Variants in GPR158 observed in about 807,000 individuals in gnomAD.
GPR158 encodes the protein metabotropic glycine receptor.
Under a neutral mutation model 78.2 loss-of-function variants are expected in GPR158, and 30 were observed. The ratio of observed to expected loss-of-function variants is 0.38; its 90% CI spans 0.29 to 0.52. The LOEUF is 0.52. Ranked by LOEUF, GPR158 falls within the 20% of genes least tolerant of loss-of-function variation. The pLI, the probability that GPR158 is intolerant of heterozygous loss-of-function variation, is 0.83. For missense variants in GPR158, 1,463 were observed against 1,523.5 expected (o/e 0.96, Z 0.66); for synonymous variants, 581 against 591.1 (o/e 0.98, Z 0.25).
At chr10:25,386,464 CA>C (rs1834223405) in intron 2 of GPR158, among the ~76,000 whole-genome samples, 1 of 151,942 alleles carries the variant, frequency 6.6e-6, no homozygotes, top group Non-Finnish European at 1.5e-5. Flanking sequence ...TCGATTTCTG[CA>C]AAAAATGTCA....
At chr10:25,431,376 T>G (rs1834902796) in intron 4 of GPR158, among the ~76,000 whole-genome samples, 1 of 148,204 alleles carries the variant, frequency 6.7e-6, no homozygotes. Context: ...CTGGAGAGGA[T>G]GTGGAGAAAT....
Position 25,175,563 on chromosome 10 carries a change from A to G in GPR158, c.143A>G (p.Gln48Arg), listed in dbSNP as rs1852514296. 6.2e-7 allele frequency: 1 copy of G among 1,610,850 alleles called. No homozygotes were observed. Among genetic ancestry groups the G allele is most frequent in the Non-Finnish European group, 8.5e-7 (1 of 1,179,820 alleles). ...RTPKGKPHAQ[Q>R]PGRASASDSS... Reference sequence around the variant, plus strand: ...CCGAAGGGGAAGCCGCACGCCCAGCAGCCGGGTCGAGCCTCTGCCTCGGAC... The same window carrying G: ...CCGAAGGGGAAGCCGCACGCCCAGCGGCCGGGTCGAGCCTCTGCCTCGGAC... The change falls in exon 1 of 11, where the codon CAG becomes CGG. Residue 48 changes from glutamine to arginine, a missense_variant. Transcript: ENST00000376351. This position sits in a 1 kb window ranked among gnomAD's most constrained non-coding sequence, Gnocchi z 6.4.
At chr10:25,336,696 T>C (rs1291389412) in intron 2 of GPR158, among the ~76,000 whole-genome samples, 1 of 152,062 alleles carries the variant, frequency 6.6e-6, no homozygotes, top group East Asian at 1.9e-4. Context: ...AGGGATGTAA[T>C]GCTGGGAACT....
At chr10:25,356,127 A>G (rs1855546541) in intron 2 of GPR158, among the ~76,000 whole-genome samples, 1 of 152,088 alleles carries the variant, frequency 6.6e-6, no homozygotes, top group African/African-American at 2.4e-5. Flanking sequence ...GAAACTACAA[A>G]TCAGGGGAAA....
chr10:25,355,087 T>C (rs1588819762), intron 2 of GPR158, among the ~76,000 whole-genome samples: 1 of 152,242 alleles, frequency 6.6e-6, no homozygotes, highest in East Asian at 1.9e-4. Flanking sequence ...TACCTGGATA[T>C]TAATCCCTTT....
At chr10:25,545,110 T>A (rs573261860) in intron 5 of GPR158, among the ~76,000 whole-genome samples, 2 of 152,338 alleles carry the variant, frequency 1.3e-5, no homozygotes, top group African/African-American at 4.8e-5. Context: ...CTATCATTGA[T>A]GAGCATTTGG....
intron 2 of GPR158, among the ~76,000 whole-genome samples, chr10:25,291,171 A>G (rs1854431000): frequency 6.6e-6 from 1 of 152,070 alleles, no homozygotes; most frequent in Admixed American, 6.5e-5. Context: ...AATCCACAAT[A>G]AAACAAAGTA....
intron 2 of GPR158, among the ~76,000 whole-genome samples, chr10:25,252,216 TA>T (rs1304221393): frequency 7.3e-5 from 11 of 150,766 alleles, no homozygotes; most frequent in Admixed American, 7.2e-4. Flanking sequence ...TACATTCTTC[TA>T]AATTTTTTTC....
intron 2 of GPR158, among the ~76,000 whole-genome samples, chr10:25,269,410 T>C (rs922899502): frequency 6.6e-6 from 1 of 152,212 alleles, no homozygotes; most frequent in Middle Eastern, 3.2e-3. Flanking sequence ...GAAAAGTGTT[T>C]GTTAATCCTA....
At chr10:25,350,345 AT>A (rs1855441730) in intron 2 of GPR158, among the ~76,000 whole-genome samples, 3 of 152,070 alleles carry the variant, frequency 2.0e-5, no homozygotes, top group African/African-American at 7.2e-5. Flanking sequence ...GAAGAGGACT[AT>A]TGCAGAAATG....
intron 2 of GPR158, among the ~76,000 whole-genome samples, chr10:25,228,521 T>C (rs925926114): frequency 1.3e-5 from 2 of 152,162 alleles, no homozygotes; most frequent in East Asian, 3.8e-4. Flanking sequence ...ATGTTCATTA[T>C]ATATTTTAAA....
At chr10:25,305,308 T>G (rs1405752072) in intron 2 of GPR158, among the ~76,000 whole-genome samples, 1 of 152,204 alleles carries the variant, frequency 6.6e-6, no homozygotes, top group Non-Finnish European at 1.5e-5. Context: ...TATTCAGTAG[T>G]TCATTCATCA....
chr10:25,372,425 A>G (rs1834009552), intron 2 of GPR158, among the ~76,000 whole-genome samples: 1 of 146,226 alleles, frequency 6.8e-6, no homozygotes, highest in Admixed American at 6.8e-5. Context: ...TTATTGCGGC[A>G]TTATTCACAA....
At chr10:25,260,519 T>TA (rs201174265) in intron 2 of GPR158, among the ~76,000 whole-genome samples, 1 of 152,064 alleles carries the variant, frequency 6.6e-6, no homozygotes, top group Non-Finnish European at 1.5e-5. Context: ...TTTTTTTTTT[T>TA]AACTTTTCTT....
At chr10:25,358,467 C>A (rs982707622) in intron 2 of GPR158, among the ~76,000 whole-genome samples, 1 of 152,076 alleles carries the variant, frequency 6.6e-6, no homozygotes, top group African/African-American at 2.4e-5. Context: ...ATGATTGAAT[C>A]ATGGGGGCAG....
chr10:25,295,710 G>A (rs925864275), intron 2 of GPR158, among the ~76,000 whole-genome samples: 1 of 152,122 alleles, frequency 6.6e-6, no homozygotes, highest in Admixed American at 6.5e-5. Flanking sequence ...ACCGCGCCCG[G>A]CCTGACTTCC....
At chr10:25,435,556 A>G (rs1489123084) in intron 4 of GPR158, among the ~76,000 whole-genome samples, 1 of 152,204 alleles carries the variant, frequency 6.6e-6, no homozygotes, top group African/African-American at 2.4e-5. Context: ...GATGGACAAC[A>G]GTGGCAGAGT....
intron 3 of GPR158, among the ~76,000 whole-genome samples, chr10:25,396,606 C>A (rs753403108): frequency 6.6e-6 from 1 of 151,962 alleles, no homozygotes; most frequent in Admixed American, 6.6e-5. Context: ...CAAAACCAGC[C>A]TGGACAACAT....
At chr10:25,421,416 A>G (rs1834749571) in intron 4 of GPR158, among the ~76,000 whole-genome samples, 1 of 152,200 alleles carries the variant, frequency 6.6e-6, no homozygotes, top group Non-Finnish European at 1.5e-5. Flanking sequence ...TAATACATAA[A>G]AGCTGGTCTA....
Sources: allele counts gnomAD v4.1 joint callset (sites outside exome capture counted in the v4.1 genomes callset), GRCh38; gene constraint gnomAD v4.1.1; non-coding constraint Gnocchi (gnomAD v3.1); transcripts MANE v1.5; gene names NCBI Gene and HGNC (gene_info 2026-07-23, HGNC 2026-07-21).